The following TENM3 variants were observed in gnomAD, a reference collection of about 807,000 sequenced individuals.
TENM3 encodes the protein teneurin-3.
TENM3 carries 63 observed loss-of-function variants against 255.1 expected under a neutral mutation model. That is an observed-to-expected ratio of 0.25 (90% CI 0.20 to 0.30). The LOEUF (loss-of-function observed/expected upper bound fraction) is 0.30, where lower values mean the gene tolerates loss of function less well. TENM3 is among the 10% of genes least tolerant of loss of function. The pLI is 1.00. For missense variants in TENM3, 2,929 were observed against 3,461.1 expected (o/e 0.85, Z 3.86); for synonymous variants, 1,306 against 1,322.3 (o/e 0.99, Z 0.27).
At chr4:181,937,910 C>T in the TENM3 span, among the ~76,000 whole-genome samples, 1 of 152,174 alleles carries the variant, frequency 6.6e-6, no homozygotes, top group East Asian at 1.9e-4. Context: ...ATGTGATTTT[C>T]AGGTGAGCCT....
the TENM3 span, among the ~76,000 whole-genome samples, chr4:181,923,114 T>C: frequency 1.4e-4 from 21 of 152,270 alleles, no homozygotes; most frequent in African/African-American, 5.1e-4. Context: ...TTGTTATAAT[T>C]TCTGTTCTTT....
the TENM3 span, among the ~76,000 whole-genome samples, chr4:181,520,179 G>C: frequency 6.6e-6 from 1 of 152,122 alleles, no homozygotes; most frequent in African/African-American, 2.4e-5. Context: ...AGCCATAAAG[G>C]CCTTAAATTT....
chr4:182,093,840 C>CT, the TENM3 span, among the ~76,000 whole-genome samples: 1 of 152,064 alleles, frequency 6.6e-6, no homozygotes, highest in African/African-American at 2.4e-5. Flanking sequence ...GCCCACGGTA[C>CT]TTTCAGGAAA....
chr4:182,335,940 A>T (rs13140025), intron 2 of TENM3, among the ~76,000 whole-genome samples: 101,487 of 151,936 alleles, frequency 0.67, 34,422 homozygotes, highest in South Asian at 0.79. Flanking sequence ...TGTTCCTATT[A>T]GTGTGGGAAA....
At chr4:182,579,062 G>A (rs1472301387) in intron 3 of TENM3, among the ~76,000 whole-genome samples, 1 of 152,174 alleles carries the variant, frequency 6.6e-6, no homozygotes, top group Non-Finnish European at 1.5e-5. Flanking sequence ...TCCTCAATTA[G>A]GGAATAAGCC....
intron 1 of TENM3, among the ~76,000 whole-genome samples, chr4:182,252,042 G>A (rs1009226246): frequency 3.9e-5 from 6 of 152,062 alleles, no homozygotes; most frequent in African/African-American, 1.4e-4. Context: ...AACTTGCTGG[G>A]TGTGGTGGTA....
chr4:182,549,592 G>T (rs531329915), intron 3 of TENM3, among the ~76,000 whole-genome samples: 38 of 152,276 alleles, frequency 2.5e-4, no homozygotes, highest in Non-Finnish European at 4.9e-4. Flanking sequence ...CATTGTTCGA[G>T]TCACGCTTCC....
the TENM3 span, among the ~76,000 whole-genome samples, chr4:182,127,342 A>G: frequency 6.6e-6 from 1 of 152,200 alleles, no homozygotes; most frequent in Non-Finnish European, 1.5e-5. Context: ...TGTCCTAGGT[A>G]ACTTGGCAAG....
intron 3 of TENM3, among the ~76,000 whole-genome samples, chr4:182,412,083 G>GGGTC (rs1263778621): frequency 1.3e-5 from 2 of 152,126 alleles, no homozygotes; most frequent in African/African-American, 4.8e-5. Flanking sequence ...ATCAGCAGCT[G>GGGTC]GGTCGTGACT....
intron 4 of TENM3, among the ~76,000 whole-genome samples, chr4:182,603,476 T>C (rs1263779588): frequency 6.6e-6 from 1 of 152,054 alleles, no homozygotes; most frequent in Non-Finnish European, 1.5e-5. Context: ...TCAAAAGAAA[T>C]GATATTTCAA....
At chr4:182,117,178 G>A in the TENM3 span, among the ~76,000 whole-genome samples, 1 of 152,194 alleles carries the variant, frequency 6.6e-6, no homozygotes, top group East Asian at 1.9e-4. Flanking sequence ...TGTATACTTT[G>A]GATAACAGTT....
intron 12 of TENM3, among the ~76,000 whole-genome samples, chr4:182,701,437 G>C (rs1405621152): frequency 1.3e-5 from 2 of 151,676 alleles, no homozygotes; most frequent in African/African-American, 4.8e-5. Context: ...AGCCAGGATG[G>C]TCTCAAGCTC....
chr4:181,682,754 G>C, the TENM3 span, among the ~76,000 whole-genome samples: 1 of 152,120 alleles, frequency 6.6e-6, no homozygotes, highest in Admixed American at 6.6e-5. Flanking sequence ...GTGTGTGGAA[G>C]AGGGAAAATG....
chr4:182,071,370 A>T, the TENM3 span, among the ~76,000 whole-genome samples: 31 of 152,038 alleles, frequency 2.0e-4, no homozygotes, highest in African/African-American at 6.8e-4. Flanking sequence ...TTTCTTGCAG[A>T]TTCAAAGTGT....
chr4:182,057,265 A>G, the TENM3 span, among the ~76,000 whole-genome samples: 1 of 151,232 alleles, frequency 6.6e-6, no homozygotes, highest in Non-Finnish European at 1.5e-5. Flanking sequence ...GGAATCAGAC[A>G]TTTTAAAGTC....
At chr4:182,542,417 A>G (rs1170088831) in intron 3 of TENM3, among the ~76,000 whole-genome samples, 1 of 152,122 alleles carries the variant, frequency 6.6e-6, no homozygotes, top group Non-Finnish European at 1.5e-5. Context: ...ATGTAAATTC[A>G]ATGGGCAAAC....
At chr4:182,522,986 C>T (rs1441776195) in intron 3 of TENM3, among the ~76,000 whole-genome samples, 3 of 152,120 alleles carry the variant, frequency 2.0e-5, no homozygotes, top group East Asian at 1.9e-4. Flanking sequence ...TTTGGTATAA[C>T]AGCCATTTTC....
the TENM3 span, among the ~76,000 whole-genome samples, chr4:182,113,252 T>C: frequency 6.6e-6 from 1 of 152,192 alleles, no homozygotes; most frequent in Admixed American, 6.5e-5. Context: ...AAAGATTTCA[T>C]TTGCTATCTT....
At chr4:182,009,531 G>A in the TENM3 span, among the ~76,000 whole-genome samples, 1 of 152,190 alleles carries the variant, frequency 6.6e-6, no homozygotes, top group Non-Finnish European at 1.5e-5. Context: ...CCGTGCGTTG[G>A]GCTGTGGGGA....
Sources: gnomAD v4.1 joint callset for allele counts (sites outside exome capture counted in the v4.1 genomes callset) on GRCh38, gnomAD v4.1.1 for gene constraint, MANE v1.5 for transcripts, NCBI Gene and HGNC (gene_info 2026-07-23, HGNC 2026-07-21) for gene names.